The following FOXP1 variants were observed in gnomAD, a reference collection of about 807,000 sequenced individuals.
The protein encoded by FOXP1 is forkhead box P1.
In FOXP1, 15 loss-of-function variants were observed where a neutral mutation model predicts 98.2. The observed-to-expected ratio is 0.15, with a 90% CI of 0.10 to 0.24. The LOEUF (loss-of-function observed/expected upper bound fraction) is 0.24, where lower values mean the gene tolerates loss of function less well. Among genes scored for constraint, FOXP1 ranks in the 10% least tolerant of loss-of-function variants. The probability of loss-of-function intolerance (pLI) is 1.00; values close to 1 mark genes in which losing one functional copy is unlikely to be tolerated. For missense variants in FOXP1, 633 were observed against 848.5 expected (o/e 0.75, Z 3.15); for synonymous variants, 371 against 314.5 (o/e 1.18, Z -1.90).
At chr3:71,514,100 T>C (rs2042392465) in intron 2 of FOXP1, among the ~76,000 whole-genome samples, 1 of 152,234 alleles carries the variant, frequency 6.6e-6, no homozygotes, top group African/African-American at 2.4e-5. Flanking sequence ...AGTCCTTTAA[T>C]GGTATGGCCC....
At chr3:71,455,975 T>C (rs1191196448) in intron 3 of FOXP1, among the ~76,000 whole-genome samples, 1 of 152,198 alleles carries the variant, frequency 6.6e-6, no homozygotes, top group Non-Finnish European at 1.5e-5. Context: ...ATAATTTGAC[T>C]ACATTAATAA....
In FOXP1 at chr3:71,309,919, TA is replaced by T. The variant is rs555278593; in HGVS notation, c.-72-10040del. ...TATCATCAGACTTTAGATGTGGACA[TA>T]AAAAAAAATCCTAAGCTTATTCCAA... On this transcript the variant is annotated intron_variant, in intron 4 of 20. Coordinates refer to ENST00000649528, the MANE Select transcript of FOXP1 (RefSeq NM_001349338.3). Among the ~76,000 whole-genome samples, 546 of 151,798 alleles carry T rather than the reference TA, an allele frequency of 3.6e-3. 2 individuals carry two copies. The highest frequency in any genetic ancestry group is 0.012 in the African/African-American group (508 of 41,396).
intron 2 of FOXP1, among the ~76,000 whole-genome samples, chr3:71,522,682 G>A (rs1054830298): frequency 6.6e-6 from 1 of 152,194 alleles, no homozygotes. Flanking sequence ...GCCAATGCCA[G>A]CCTCTGCCAA....
At chr3:71,404,126 T>C (rs867579706) in intron 3 of FOXP1, among the ~76,000 whole-genome samples, 58 of 47,168 alleles carry the variant, frequency 1.2e-3, no homozygotes, top group African/African-American at 2.3e-3. Context: ...TTTTCTTTTT[T>C]TTTTTTTTTT....
At chr3:71,235,497 A>G (rs577457131) in intron 5 of FOXP1, among the ~76,000 whole-genome samples, 1 of 152,288 alleles carries the variant, frequency 6.6e-6, no homozygotes, top group African/African-American at 2.4e-5. Flanking sequence ...GAAGTCAGGG[A>G]GCCCACCACG....
At chr3:71,288,411 C>T (rs1300169213) in intron 5 of FOXP1, 1 of 152,144 alleles carries the variant, frequency 6.6e-6, no homozygotes, top group Non-Finnish European at 1.5e-5. Flanking sequence ...ATCTGTGATG[C>T]TCTTAGGTAA....
At chr3:71,247,989 T>C (rs1225303928) in intron 5 of FOXP1, among the ~76,000 whole-genome samples, 1 of 152,176 alleles carries the variant, frequency 6.6e-6, no homozygotes, top group Admixed American at 6.5e-5. Flanking sequence ...AAAAGAGAGC[T>C]GGCTGAACAG....
chr3:71,198,023 GC>G (rs765530512), intron 6 of FOXP1, 178 bp downstream of exon 6: 1 of 1,614,242 alleles, frequency 6.2e-7, no homozygotes, highest in African/African-American at 1.3e-5. Context: ...AGTCTCTTAA[GC>G]CAACTGCTGG....
At chr3:71,246,265 A>G (rs2067741199) in intron 5 of FOXP1, among the ~76,000 whole-genome samples, 1 of 152,186 alleles carries the variant, frequency 6.6e-6, no homozygotes, top group South Asian at 2.1e-4. Flanking sequence ...TCGGTGTGCA[A>G]GGACGGGAGG....
chr3:71,122,522 A>C (rs2058850999), intron 6 of FOXP1, among the ~76,000 whole-genome samples: 1 of 152,202 alleles, frequency 6.6e-6, no homozygotes, highest in African/African-American at 2.4e-5. Context: ...TTAAGAAATG[A>C]GGCACATCTG....
At chr3:71,202,220 G>A (rs528824318) in intron 5 of FOXP1, among the ~76,000 whole-genome samples, 67 of 152,368 alleles carry the variant, frequency 4.4e-4, no homozygotes, top group African/African-American at 1.6e-3. Flanking sequence ...AGGTTTGTGA[G>A]AGTGCAGGCT....
intron 4 of FOXP1, among the ~76,000 whole-genome samples, chr3:71,351,519 A>G (rs1004569184): frequency 6.6e-6 from 1 of 152,224 alleles, no homozygotes; most frequent in Non-Finnish European, 1.5e-5. Context: ...TTTGAAGGTC[A>G]AAGTCCTTGG....
chr3:70,972,785 G>A, intron 17 of FOXP1, 109 bp from the exon 18 acceptor site: 1 of 1,131,750 alleles, frequency 8.8e-7, no homozygotes, highest in Non-Finnish European at 1.3e-6. Context: ...ATCCCCAAGA[G>A]CTGTAGCTAC....
At chr3:71,383,064 T>C (rs1370979427) in intron 3 of FOXP1, among the ~76,000 whole-genome samples, 3 of 152,208 alleles carry the variant, frequency 2.0e-5, no homozygotes, top group African/African-American at 7.2e-5. Context: ...AACATCACTG[T>C]GAAAACTATG....
chr3:71,576,999 A>C (rs1218856908), intron 2 of FOXP1, among the ~76,000 whole-genome samples: 1 of 152,154 alleles, frequency 6.6e-6, no homozygotes, highest in Non-Finnish European at 1.5e-5. Context: ...AAAAAGAAAA[A>C]CAAGCCTTGC....
chr3:71,034,831 A>G (rs909047899), intron 11 of FOXP1, among the ~76,000 whole-genome samples: 6 of 152,176 alleles, frequency 3.9e-5, no homozygotes, highest in African/African-American at 1.4e-4. Context: ...CCCTTCAGTC[A>G]TATGATTTCT....
At chr3:71,272,515 C>T (rs1049995244) in intron 5 of FOXP1, among the ~76,000 whole-genome samples, 1 of 152,034 alleles carries the variant, frequency 6.6e-6, no homozygotes, top group African/African-American at 2.4e-5. Flanking sequence ...GACCTAGAAG[C>T]TTCCATGCCT....
chr3:71,443,679 C>T (rs1004275906), intron 3 of FOXP1, among the ~76,000 whole-genome samples: 1 of 152,200 alleles, frequency 6.6e-6, no homozygotes. Flanking sequence ...TAGCAAGCTG[C>T]CAAGTGACCT....
At chr3:71,536,900 A>C (rs772816576) in intron 2 of FOXP1, among the ~76,000 whole-genome samples, 16 of 152,158 alleles carry the variant, frequency 1.1e-4, no homozygotes, top group Admixed American at 2.0e-4. Flanking sequence ...ACACATGTGC[A>C]GAATAGCAGC....
Sources: allele counts gnomAD v4.1 joint callset (sites outside exome capture counted in the v4.1 genomes callset), GRCh38; gene constraint gnomAD v4.1.1; transcripts MANE v1.5; gene names NCBI Gene and HGNC (gene_info 2026-07-23, HGNC 2026-07-21).